Variants in DLGAP2 observed in about 807,000 individuals in gnomAD.
DLGAP2 encodes DLG associated protein 2.
In DLGAP2, 26 loss-of-function variants were observed where a neutral mutation model predicts 100.3. That is an observed-to-expected ratio of 0.26 (90% CI 0.19 to 0.36). The LOEUF is 0.36. Among genes scored for constraint, DLGAP2 ranks in the 10% least tolerant of loss-of-function variants. The pLI, the probability that DLGAP2 is intolerant of heterozygous loss-of-function variation, is 1.00. For synonymous variants in DLGAP2, 886 were observed against 630.1 expected (o/e 1.41, Z -6.08); for missense variants, 1,858 against 1,453.2 (o/e 1.28, Z -4.53).
At chr8:1,069,238 G>A (rs1238834021) in intron 2 of DLGAP2, among the ~76,000 whole-genome samples, 3 of 152,206 alleles carry the variant, frequency 2.0e-5, no homozygotes, top group African/African-American at 7.2e-5. Context: ...GGGCTGGTGG[G>A]CAGGGAAGTG....
intron 1 of DLGAP2, among the ~76,000 whole-genome samples, chr8:778,582 C>T (rs1015380206): frequency 1.3e-5 from 2 of 152,196 alleles, no homozygotes; most frequent in Non-Finnish European, 2.9e-5. Context: ...CCCTCAGCTG[C>T]AGGTCTTTTG....
At chr8:1,095,493 A>C (rs1490858982) in intron 2 of DLGAP2, among the ~76,000 whole-genome samples, 1 of 152,196 alleles carries the variant, frequency 6.6e-6, no homozygotes, top group Non-Finnish European at 1.5e-5. Flanking sequence ...GAAGTGATTC[A>C]GAGTCTACTT....
intron 1 of DLGAP2, among the ~76,000 whole-genome samples, chr8:759,105 C>G (rs1235835844): frequency 2.5e-4 from 27 of 107,830 alleles, no homozygotes; most frequent in Middle Eastern, 4.7e-3. Flanking sequence ...ATCAATACCC[C>G]CGACAGCCTT....
At chr8:1,334,009 A>T (rs1348493891) in intron 3 of DLGAP2, among the ~76,000 whole-genome samples, 1 of 152,172 alleles carries the variant, frequency 6.6e-6, no homozygotes, top group African/African-American at 2.4e-5. Flanking sequence ...CATGCCGGGG[A>T]AGAGGCTTCC....
chr8:1,175,847 C>G (rs1483333746), intron 2 of DLGAP2, among the ~76,000 whole-genome samples: 2 of 152,206 alleles, frequency 1.3e-5, no homozygotes, highest in African/African-American at 2.4e-5. Flanking sequence ...TGGATTTACA[C>G]AAACCTAGAT....
At chr8:1,246,148 G>T (rs966458014) in intron 2 of DLGAP2, among the ~76,000 whole-genome samples, 1 of 152,170 alleles carries the variant, frequency 6.6e-6, no homozygotes, top group African/African-American at 2.4e-5. Context: ...TCTTCTGAAT[G>T]CTTTGTAATT....
Position 1,073,985 on chromosome 8 carries a change from CA to C in DLGAP2, c.73+166020del, listed in dbSNP as rs1465364520. 7.9e-3 allele frequency among the ~76,000 whole-genome samples: 1,198 copies of C among 151,738 alleles called. 33 individuals are homozygous for C. Among genetic ancestry groups the C allele is most frequent in the African/African-American group, 0.027 (1,130 of 41,168 alleles). On this transcript the variant is annotated intron_variant, in intron 2 of 14. Transcript: ENST00000637795. ...CTCACCCAGGTACATATTCAGGAGT[CA>C]CTGTAACAGAAGGGTTTGCAGCAGA...
At chr8:1,259,554 T>C (rs896896649) in intron 3 of DLGAP2, 2 of 152,230 alleles carry the variant, frequency 1.3e-5, no homozygotes, top group Non-Finnish European at 2.9e-5. Context: ...AGGTCTGCTT[T>C]CAGCAGCAAG....
intron 3 of DLGAP2, among the ~76,000 whole-genome samples, chr8:1,294,023 C>T (rs1800116067): frequency 6.6e-6 from 1 of 152,166 alleles, no homozygotes; most frequent in African/African-American, 2.4e-5. Flanking sequence ...GAAGGTGGCT[C>T]GCTGCCACCA....
chr8:1,177,240 T>C (rs2116693720), intron 2 of DLGAP2, among the ~76,000 whole-genome samples: 1 of 152,308 alleles, frequency 6.6e-6, no homozygotes, highest in Non-Finnish European at 1.5e-5. Context: ...GTCCTGTGAT[T>C]GTGCTTTATT....
chr8:1,167,587 T>G (rs558712623), intron 2 of DLGAP2, among the ~76,000 whole-genome samples: 8 of 152,200 alleles, frequency 5.3e-5, no homozygotes, highest in Admixed American at 2.0e-4. Flanking sequence ...GTGGCCCACA[T>G]TGAGGTAATA....
At chr8:859,447 G>A (rs908060358) in intron 1 of DLGAP2, among the ~76,000 whole-genome samples, 1 of 152,134 alleles carries the variant, frequency 6.6e-6, no homozygotes, top group Non-Finnish European at 1.5e-5. Context: ...TAGGTGACTG[G>A]AGTTTAGGGA....
chr8:1,033,927 G>A (rs1802053273), intron 2 of DLGAP2, among the ~76,000 whole-genome samples: 1 of 92,964 alleles, frequency 1.1e-5, no homozygotes, highest in African/African-American at 4.3e-5. Flanking sequence ...CCGACCCCAT[G>A]TGTCACCGCG....
At chr8:1,411,432 C>T (rs377433437) in intron 3 of DLGAP2, among the ~76,000 whole-genome samples, 16 of 152,350 alleles carry the variant, frequency 1.1e-4, no homozygotes, top group African/African-American at 3.8e-4. Flanking sequence ...GCCAGGCGGT[C>T]CTAGCTGGCC....
intron 2 of DLGAP2, among the ~76,000 whole-genome samples, chr8:1,225,794 A>G (rs919126864): frequency 3.9e-5 from 6 of 152,212 alleles, no homozygotes; most frequent in Non-Finnish European, 8.8e-5. Flanking sequence ...ATTGTGGTGA[A>G]TGCAGTTTAT....
At chr8:953,038 G>T (rs1799517575) in intron 2 of DLGAP2, among the ~76,000 whole-genome samples, 1 of 152,160 alleles carries the variant, frequency 6.6e-6, no homozygotes, top group Non-Finnish European at 1.5e-5. Flanking sequence ...ACTGAATTAT[G>T]CAGGTCTTCA....
At chr8:1,359,302 C>T (rs969165311) in intron 3 of DLGAP2, among the ~76,000 whole-genome samples, 8 of 152,242 alleles carry the variant, frequency 5.3e-5, no homozygotes, top group African/African-American at 1.4e-4. Flanking sequence ...GCGGTCCATG[C>T]GCCCTGGTTA....
At chr8:1,605,699 G>A (rs570940564) in intron 6 of DLGAP2, among the ~76,000 whole-genome samples, 1 of 152,146 alleles carries the variant, frequency 6.6e-6, no homozygotes, top group African/African-American at 2.4e-5. Flanking sequence ...AGAATGCAGC[G>A]TTTGCTAACT....
In DLGAP2 at chr8:1,706,442, C is replaced by A. The variant is rs1340396391; in HGVS notation, c.*5036C>A. On this transcript the variant is annotated 3_prime_UTR_variant, in exon 15 of 15. Transcript: ENST00000637795. ...CTCTTCTAGAATGCCGCCCTCCCAG[C>A]TCTGCAGGGCACGCTGCCAGAATCC... is the stretch of plus-strand genomic sequence containing the variant. The A allele has an allele frequency of 6.6e-6, 1 of 152,244 alleles. No homozygotes were observed. The highest frequency in any genetic ancestry group is 1.5e-5 in the Non-Finnish European group (1 of 68,070). 9.4% of individuals were successfully genotyped at this position (152,244 alleles called of 1,614,324 possible).
Sources: allele counts gnomAD v4.1 joint callset (sites outside exome capture counted in the v4.1 genomes callset), GRCh38; gene constraint gnomAD v4.1.1; transcripts MANE v1.5; gene names NCBI Gene and HGNC (gene_info 2026-07-23, HGNC 2026-07-21).